NR2F1-AS1: variants seen among roughly 807,000 people sequenced by gnomAD.
NR2F1-AS1 encodes the protein NR2F1 regulatory antisense RNA 1.
At chr5:93,544,733 C>A (rs1030082007) in intron 4 of NR2F1-AS1, 1 of 151,906 alleles carries the variant, frequency 6.6e-6, no homozygotes, top group Non-Finnish European at 1.5e-5. Flanking sequence ...ACCATCCTGG[C>A]CAACATGATG....
chr5:93,572,461 T>A (rs762443428), intron 1 of NR2F1-AS1, among the ~76,000 whole-genome samples: 1 of 152,218 alleles, frequency 6.6e-6, no homozygotes, highest in African/African-American at 2.4e-5. Context: ...CCTCTTCGCC[T>A]ATCGGCCGGG....
chr5:93,451,102 G>C (rs1273829771), intron 4 of NR2F1-AS1, among the ~76,000 whole-genome samples: 1 of 151,906 alleles, frequency 6.6e-6, no homozygotes, highest in Non-Finnish European at 1.5e-5. Context: ...TCATCCACCT[G>C]CCACTGTCAT....
chr5:93,415,070 C>A (rs1021741154), intron 4 of NR2F1-AS1, among the ~76,000 whole-genome samples: 4 of 152,102 alleles, frequency 2.6e-5, no homozygotes, highest in Middle Eastern at 3.2e-3. Flanking sequence ...ATAAGCAATC[C>A]AGAACTGCTA....
intron 4 of NR2F1-AS1, among the ~76,000 whole-genome samples, chr5:93,443,841 C>G (rs1234232575): frequency 2.0e-5 from 3 of 152,238 alleles, no homozygotes; most frequent in Non-Finnish European, 4.4e-5. Flanking sequence ...ATCAGACTAA[C>G]AGCAGATCTC....
chr5:93,542,472 C>G (rs1157619750), intron 4 of NR2F1-AS1: 1 of 152,090 alleles, frequency 6.6e-6, no homozygotes, highest in East Asian at 1.9e-4. Context: ...TCCCCCAACC[C>G]CAGTTCTAAC....
chr5:93,420,706 A>G (rs1425309006), intron 4 of NR2F1-AS1, among the ~76,000 whole-genome samples: 1 of 152,222 alleles, frequency 6.6e-6, no homozygotes. Context: ...GCCACCTCTT[A>G]CTGAGACATG....
intron 4 of NR2F1-AS1, among the ~76,000 whole-genome samples, chr5:93,546,470 G>A (rs1308285124): frequency 6.6e-6 from 1 of 151,940 alleles, no homozygotes; most frequent in East Asian, 1.9e-4. Flanking sequence ...CAAGTCAGAG[G>A]GAAATGGTTT....
intron 4 of NR2F1-AS1, among the ~76,000 whole-genome samples, chr5:93,429,563 A>G (rs1422657802): frequency 1.3e-5 from 2 of 152,294 alleles, no homozygotes; most frequent in South Asian, 2.1e-4. Flanking sequence ...TTGAAAGGGG[A>G]CATTCTAAAT....
intron 4 of NR2F1-AS1, among the ~76,000 whole-genome samples, chr5:93,458,200 C>T (rs376182348): frequency 1.8e-4 from 27 of 152,114 alleles, no homozygotes; most frequent in East Asian, 7.7e-4. Context: ...AGAGGACCCG[C>T]GCTGGCCACA....
chr5:93,480,956 GAAAC>G (rs1032114890), intron 4 of NR2F1-AS1, among the ~76,000 whole-genome samples: 1 of 151,750 alleles, frequency 6.6e-6, no homozygotes, highest in African/African-American at 2.4e-5. Flanking sequence ...GAGAAATTGA[GAAAC>G]AAAAAAGACA....
chr5:93,414,287 T>C (rs1192357589), intron 4 of NR2F1-AS1, among the ~76,000 whole-genome samples: 1 of 152,204 alleles, frequency 6.6e-6, no homozygotes, highest in Non-Finnish European at 1.5e-5. Context: ...CTGCCCCTAA[T>C]ACCCACTGTC....
At chr5:93,488,294 T>C (rs1750768207) in intron 4 of NR2F1-AS1, among the ~76,000 whole-genome samples, 1 of 151,986 alleles carries the variant, frequency 6.6e-6, no homozygotes, top group African/African-American at 2.4e-5. Context: ...ATCATCAGAG[T>C]AAACAGGCAA....
intron 1 of NR2F1-AS1, among the ~76,000 whole-genome samples, chr5:93,567,098 A>T (rs1299597757): frequency 6.6e-6 from 1 of 152,120 alleles, no homozygotes; most frequent in Non-Finnish European, 1.5e-5. Context: ...CAAAGTTTCT[A>T]AAATTCTTTG....
intron 4 of NR2F1-AS1, among the ~76,000 whole-genome samples, chr5:93,459,620 G>A (rs896394002): frequency 1.3e-5 from 2 of 152,136 alleles, no homozygotes; most frequent in African/African-American, 4.8e-5. Context: ...ATAAAATCCT[G>A]ATAATACCTT....
intron 4 of NR2F1-AS1, among the ~76,000 whole-genome samples, chr5:93,545,564 A>C (rs968850184): frequency 5.9e-5 from 9 of 152,230 alleles, no homozygotes; most frequent in Non-Finnish European, 1.0e-4. Flanking sequence ...ATTAAGTAAT[A>C]AAAGGCAGTA....
At chr5:93,454,859 G>T (rs1001755068) in intron 4 of NR2F1-AS1, among the ~76,000 whole-genome samples, 1 of 152,144 alleles carries the variant, frequency 6.6e-6, no homozygotes, top group Non-Finnish European at 1.5e-5. Context: ...GGTGCACCCT[G>T]AGAGGCCATG....
At chr5:93,459,834 C>G (rs1157908981) in intron 4 of NR2F1-AS1, among the ~76,000 whole-genome samples, 2 of 152,046 alleles carry the variant, frequency 1.3e-5, no homozygotes, top group Non-Finnish European at 2.9e-5. Flanking sequence ...CAGAACTACA[C>G]TTATAACAGC....
intron 4 of NR2F1-AS1, among the ~76,000 whole-genome samples, chr5:93,499,132 T>A (rs147084219): frequency 2.6e-5 from 4 of 152,286 alleles, no homozygotes; most frequent in African/African-American, 9.6e-5. Flanking sequence ...GGGAAAAGAT[T>A]TGGTAAGAAA....
rs145717373 is a variant in NR2F1-AS1, at chr5:93,440,155, T to C, written n.639-44613A>G. On this transcript the variant is annotated intron_variant and non_coding_transcript_variant, in intron 4 of 5. Transcript: ENST00000660523. ...CTTATCTCCACCCACATTCTCTCTC[T>C]CCCTCAATCCTCTTTCTCTCGCTCG... Among the ~76,000 whole-genome samples, 848 of 152,222 alleles carry C rather than the reference T, an allele frequency of 5.6e-3. 7 individuals carry two copies. The highest frequency in any genetic ancestry group is 0.019 in the African/African-American group (787 of 41,532).
Sources: allele counts gnomAD v4.1 joint callset (sites outside exome capture counted in the v4.1 genomes callset), GRCh38; gene constraint gnomAD v4.1.1; transcripts MANE v1.5; gene names NCBI Gene and HGNC (gene_info 2026-07-23, HGNC 2026-07-21).